BIRC6: variants seen among roughly 807,000 people sequenced by gnomAD.
BIRC6 encodes the protein dual E2 ubiquitin-conjugating enzyme/E3 ubiquitin-protein ligase BIRC6.
A neutral mutation model predicts 503.3 loss-of-function variants in BIRC6; 98 were observed. The ratio of observed to expected loss-of-function variants is 0.19; its 90% confidence interval spans 0.17 to 0.23. The LOEUF (loss-of-function observed/expected upper bound fraction) is 0.23. Among genes scored for constraint, BIRC6 ranks in the 10% least tolerant of loss-of-function variants. BIRC6 has a pLI of 1.00. For synonymous variants in BIRC6, 2,240 were observed against 2,078.7 expected (o/e 1.08, Z -2.11); for missense variants, 5,360 against 5,806.0 (o/e 0.92, Z 2.50).
intron 2 of BIRC6, 49 bp downstream of exon 2, chr2:32,377,818 GACATATTAGATGTTAAATGAAATTA>G (rs2037029336): frequency 6.9e-7 from 1 of 1,441,330 alleles, no homozygotes; most frequent in Non-Finnish European, 9.4e-7. Flanking sequence ...TGTAATCTTA[GACATATTAGATGTTAAATGAAATTA>G]AGTCATCCTT....
chr2:32,397,574 C>CTG (rs147651911), intron 6 of BIRC6, among the ~76,000 whole-genome samples: 13,890 of 137,930 alleles, frequency 0.1, 700 homozygotes, highest in Non-Finnish European at 0.12. Flanking sequence ...CCCGTAAAGG[C>CTG]TGTGTGTGTG....
At chr2:32,489,512 TA>T (rs1376378033) in intron 42 of BIRC6, among the ~76,000 whole-genome samples, 1 of 151,802 alleles carries the variant, frequency 6.6e-6, no homozygotes, top group Non-Finnish European at 1.5e-5. Context: ...AATAAAAGAG[TA>T]AAAAATAGTT....
chr2:32,536,663 G>A (rs1490225490), intron 61 of BIRC6, among the ~76,000 whole-genome samples: 5 of 152,102 alleles, frequency 3.3e-5, no homozygotes, highest in Non-Finnish European at 2.9e-5. Context: ...CCATTGGTCT[G>A]TATGTCTGTT....
chr2:32,453,795 C>G lies in BIRC6; in HGVS notation c.4619-13C>G. The G allele has an allele frequency of 4.3e-6, 7 of 1,610,128 alleles. No homozygotes were observed. The highest frequency in any genetic ancestry group is 5.1e-6 in the Non-Finnish European group (6 of 1,178,504). ...TATCTTCACGTGTTATAAAACTTGT[C>G]TTTTGCCATTAGGAAATGGAAAGGT... is the stretch of plus-strand genomic sequence containing the variant. On this transcript the variant is annotated splice_polypyrimidine_tract_variant and intron_variant, in intron 22 of 73. Transcript: ENST00000421745.
chr2:32,614,607 C>A (rs1421516171), intron 73 of BIRC6, among the ~76,000 whole-genome samples: 1 of 152,182 alleles, frequency 6.6e-6, no homozygotes, highest in East Asian at 1.9e-4. Flanking sequence ...GCGGGCAGAT[C>A]ACTTGTGGTC....
Position 32,505,180 on chromosome 2 carries a change from C to T in BIRC6, c.9675C>T (p.Ile3225=). The part of the protein sequence containing the change: ...PAAVLLKEIH[I]QPHLASLATC... ...CAGTGCTGCTTAAGGAGATACATAT[C>T]CAGCCTCATCTTGCATCTCTTGCAA... The change falls in exon 50 of 74, where the codon ATC becomes ATT. Residue 3225 remains isoleucine (I), a synonymous_variant. Coordinates refer to ENST00000421745, the MANE Select transcript of BIRC6 (RefSeq NM_016252.4). 3 of 1,579,372 alleles carry T rather than the reference C, an allele frequency of 1.9e-6. No individual in the cohort carries two copies. Among genetic ancestry groups the T allele is most frequent in the Non-Finnish European group, 2.6e-6 (3 of 1,161,388 alleles).
At chr2:32,475,487 C>T (rs905822986) in intron 33 of BIRC6, among the ~76,000 whole-genome samples, 3 of 152,018 alleles carry the variant, frequency 2.0e-5, no homozygotes, top group African/African-American at 7.2e-5. Flanking sequence ...TATGAGGGAA[C>T]CTTGTGGTGG....
intron 13 of BIRC6, 88 bp downstream of exon 13, chr2:32,433,892 C>A: frequency 1.9e-6 from 2 of 1,057,766 alleles, no homozygotes; most frequent in Non-Finnish European, 2.6e-6. Flanking sequence ...AGTTTCGTGT[C>A]CCTTTCTGTC....
intron 13 of BIRC6, 39 bp from the exon 14 acceptor site, chr2:32,435,457 C>T (rs1246613548): frequency 1.3e-6 from 2 of 1,511,418 alleles, no homozygotes; most frequent in East Asian, 5.0e-5. Context: ...CCTCTAGAAA[C>T]AGCAGTAGAT....
rs750155509 is a variant in BIRC6, at chr2:32,415,377, G to A, written c.2086G>A (p.Ala696Thr). Residue 696 changes from alanine to threonine, a missense_variant, in exon 10 of 74, where the codon GCC becomes ACC. This residue lies in a region of BIRC6 where 700 missense variants were observed against 739.3 expected (regional missense o/e 0.95). Coordinates refer to ENST00000421745, the MANE Select transcript of BIRC6 (RefSeq NM_016252.4). ...TYIQQFADAA[A>T]NLTSPDSEKW... is the part of the protein sequence containing the mutation. Reference sequence around the variant, plus strand: ...CATTCAGCAATTTGCAGATGCAGCAGCCAACCTTACCTCTCCGGATTCTGA... The same window carrying A: ...CATTCAGCAATTTGCAGATGCAGCAACCAACCTTACCTCTCCGGATTCTGA... The A allele has an allele frequency of 5.0e-6, 8 of 1,614,020 alleles. No individual in the cohort carries two copies. Among genetic ancestry groups the A allele is most frequent in the Non-Finnish European group, 6.8e-6 (8 of 1,179,888 alleles).
intron 73 of BIRC6, among the ~76,000 whole-genome samples, chr2:32,614,382 C>T (rs2151782242): frequency 6.6e-6 from 1 of 152,340 alleles, no homozygotes; most frequent in East Asian, 1.9e-4. Context: ...ACAAAACTGG[C>T]TCAAGTCCAG....
At chr2:32,420,251 C>T (rs1355862999) in intron 10 of BIRC6, among the ~76,000 whole-genome samples, 1 of 152,058 alleles carries the variant, frequency 6.6e-6, no homozygotes, top group Non-Finnish European at 1.5e-5. Flanking sequence ...AGTATTCGCT[C>T]TTCAATTTTG....
At chr2:32,484,337 AGGT>A (rs2050749065) in intron 39 of BIRC6, among the ~76,000 whole-genome samples, 1 of 152,112 alleles carries the variant, frequency 6.6e-6, no homozygotes, top group South Asian at 2.1e-4. Flanking sequence ...GGATCACCTG[AGGT>A]CAAGAGTTCG....
At chr2:32,560,073 C>T (rs2059059724) in intron 65 of BIRC6, among the ~76,000 whole-genome samples, 1 of 152,078 alleles carries the variant, frequency 6.6e-6, no homozygotes, top group Non-Finnish European at 1.5e-5. Context: ...TGTCAGGTTC[C>T]AGACATAGGC....
Position 32,439,565 on chromosome 2 carries a change from G to A in BIRC6, c.3689G>A (p.Arg1230Lys). 5.0e-6 allele frequency: 8 copies of A among 1,613,902 alleles called. No individual in the cohort carries two copies. The highest frequency in any genetic ancestry group is 6.8e-6 in the Non-Finnish European group (8 of 1,179,842). ...FLIHVKAVNE[R>K]GTEEICNGGM... The stretch of plus-strand genomic sequence containing the variant: ...ATCCATGTCAAGGCAGTGAATGAAA[G>A]AGGAACAGAAGAGATTTGTAATGGT... The change falls in exon 16 of 74, where the codon AGA becomes AAA. Residue 1230 changes from arginine (R) to lysine (K), a missense_variant. Physicochemically the swap from Arg to Lys is conservative, Grantham distance 26 (BLOSUM62 2). Coordinates refer to ENST00000421745, the MANE Select transcript of BIRC6 (RefSeq NM_016252.4).
At chr2:32,573,455 C>G (rs1322689384) in intron 65 of BIRC6, among the ~76,000 whole-genome samples, 1 of 152,150 alleles carries the variant, frequency 6.6e-6, no homozygotes, top group Non-Finnish European at 1.5e-5. Context: ...CTCAGCCTCT[C>G]AAAGTGGTGA....
intron 36 of BIRC6, 134 bp from the exon 37 acceptor site, chr2:32,479,328 A>T: frequency 1.2e-6 from 1 of 845,106 alleles, no homozygotes. Context: ...GTGGGAACTC[A>T]TTTGCCTCAG....
chr2:32,560,651 G>C (rs2059107057), intron 65 of BIRC6, among the ~76,000 whole-genome samples: 1 of 152,026 alleles, frequency 6.6e-6, no homozygotes, highest in Admixed American at 6.6e-5. Flanking sequence ...TGTGCTCATA[G>C]GGCACTGCAG....
At chr2:32,369,945 A>AAATATAT (rs1553373676) in intron 1 of BIRC6, among the ~76,000 whole-genome samples, 2 of 44,218 alleles carry the variant, frequency 4.5e-5, no homozygotes, top group Non-Finnish European at 7.3e-5. Flanking sequence ...AAAAAAAAAA[A>AAATATAT]ATATATATAT....
Sources: allele counts gnomAD v4.1 joint callset (sites outside exome capture counted in the v4.1 genomes callset), GRCh38; gene constraint gnomAD v4.1.1; regional missense constraint gnomAD v4.1.1; transcripts MANE v1.5; gene names NCBI Gene and HGNC (gene_info 2026-07-23, HGNC 2026-07-21).